The following TMEM17 variants were observed in gnomAD, a reference collection of about 807,000 sequenced individuals.
TMEM17 encodes the protein transmembrane protein 17.
TMEM17 carries 15 observed loss-of-function variants against 19.1 expected under a neutral mutation model. The ratio of observed to expected loss-of-function variants is 0.78; its 90% CI spans 0.52 to 1.21. The LOEUF (loss-of-function observed/expected upper bound fraction) is 1.21, where lower values mean the gene tolerates loss of function less well. TMEM17 is among the 50% of genes most tolerant of loss of function. TMEM17 has a pLI of 0.00. For synonymous variants in TMEM17, 103 were observed against 86.9 expected (o/e 1.19, Z -1.03); for missense variants, 245 against 242.3 (o/e 1.01, Z -0.07).
the TMEM17 span, among the ~76,000 whole-genome samples, chr2:62,471,072 G>C: frequency 6.6e-6 from 1 of 152,212 alleles, no homozygotes; most frequent in African/African-American, 2.4e-5. Context: ...CTGGACTGCG[G>C]GTTCCAGGTA....
At chr2:62,500,156 T>C (rs549929264), downstream of TMEM17, 2 of 152,312 alleles carry the variant, frequency 1.3e-5, no homozygotes, top group African/African-American at 4.8e-5. Context: ...TTCCTTCTCT[T>C]GCAACTCTGT....
chr2:62,494,651 T>A, the TMEM17 span, among the ~76,000 whole-genome samples: 2 of 152,178 alleles, frequency 1.3e-5, no homozygotes, highest in Admixed American at 6.5e-5. Context: ...AATATAGTGC[T>A]ATTAGAGTTC....
At chr2:62,467,314 GACCC>G in the TMEM17 span, among the ~76,000 whole-genome samples, 2 of 151,978 alleles carry the variant, frequency 1.3e-5, no homozygotes, top group Non-Finnish European at 2.9e-5. Context: ...ACAGGATTGA[GACCC>G]ACGGATCTAG....
At chr2:62,498,368 CAG>C (rs1472162262), downstream of TMEM17, among the ~76,000 whole-genome samples, 2 of 149,478 alleles carry the variant, frequency 1.3e-5, no homozygotes, top group African/African-American at 4.9e-5. Flanking sequence ...GCCTGGGCAA[CAG>C]AGCAAAACTC....
chr2:62,495,733 C>T (rs539298795), downstream of TMEM17, among the ~76,000 whole-genome samples: 4 of 152,152 alleles, frequency 2.6e-5, no homozygotes, highest in East Asian at 1.9e-4. Context: ...CTTTTTGAGC[C>T]GTTTAAGACC....
chr2:62,477,381 A>G, the TMEM17 span, among the ~76,000 whole-genome samples: 1 of 135,692 alleles, frequency 7.4e-6, no homozygotes, highest in South Asian at 2.6e-4. Context: ...TGGGCGACAG[A>G]GCGAGACTCC....
the TMEM17 span, among the ~76,000 whole-genome samples, chr2:62,457,266 C>T: frequency 6.6e-6 from 1 of 152,242 alleles, no homozygotes; most frequent in Non-Finnish European, 1.5e-5. The surrounding 1 kb of genome is among the most constrained non-coding windows in gnomAD (Gnocchi z 4.2). Flanking sequence ...CTTTCCACTT[C>T]TCCCCTGGCC....
At chr2:62,460,615 A>G in the TMEM17 span, among the ~76,000 whole-genome samples, 143 of 152,358 alleles carry the variant, frequency 9.4e-4, 1 homozygote, top group African/African-American at 3.1e-3. Flanking sequence ...CACTGTATGT[A>G]TAAAAGGTTG....
chr2:62,489,140 C>T, the TMEM17 span, among the ~76,000 whole-genome samples: 3 of 152,162 alleles, frequency 2.0e-5, no homozygotes, highest in African/African-American at 4.8e-5. Context: ...GATGTGTTTT[C>T]CCTGAGGATG....
chr2:62,503,364 G>A (rs1031698487), intron 1 of TMEM17, among the ~76,000 whole-genome samples: 4 of 151,754 alleles, frequency 2.6e-5, no homozygotes, highest in African/African-American at 9.7e-5. Flanking sequence ...TCCCCTTTAG[G>A]TACTTACCAC....
chr2:62,466,559 G>A, the TMEM17 span, among the ~76,000 whole-genome samples: 1 of 152,222 alleles, frequency 6.6e-6, no homozygotes, highest in Non-Finnish European at 1.5e-5. Context: ...CCATATGGGG[G>A]AGAGGGACTG....
At position 62,502,027 on chromosome 2, in the gene TMEM17, T is replaced by A. The variant is rs1434534647; in HGVS notation, c.318+410A>T. 10 of 163,888 alleles carry A rather than the reference T, an allele frequency of 6.1e-5. No homozygotes were observed. In the East Asian group the frequency reaches 1.6e-3, roughly 26 times the overall value. 10.2% of individuals were successfully genotyped at this position (163,888 alleles called of 1,614,324 possible). A position where few individuals can be genotyped will look rare whatever the true frequency, so the allele number is the denominator to read the frequency against. On this transcript the variant is annotated intron_variant, in intron 3 of 3. Transcript: ENST00000335390. ...GGTAACCACAAATGCTTAGGCAGCATGATGATGCAGAAAACATGGGCCTGG... is the reference window on the plus strand; with the variant it reads ...GGTAACCACAAATGCTTAGGCAGCAAGATGATGCAGAAAACATGGGCCTGG...
At chr2:62,505,685 C>G (rs1295980395) in intron 1 of TMEM17, among the ~76,000 whole-genome samples, 2 of 152,208 alleles carry the variant, frequency 1.3e-5, no homozygotes, top group Admixed American at 6.5e-5. Context: ...CGCGGGGGAC[C>G]AGCCTGTGCA....
the TMEM17 span, among the ~76,000 whole-genome samples, chr2:62,479,742 C>A: frequency 6.6e-6 from 1 of 151,884 alleles, no homozygotes; most frequent in Admixed American, 6.6e-5. Context: ...AAATAATTAG[C>A]CATGTGTGGT....
chr2:62,472,965 T>C, the TMEM17 span, among the ~76,000 whole-genome samples: 3 of 152,136 alleles, frequency 2.0e-5, no homozygotes, highest in African/African-American at 7.2e-5. Flanking sequence ...AGAAAGAAAC[T>C]CAGGAGTGTC....
At chr2:62,487,988 C>G in the TMEM17 span, among the ~76,000 whole-genome samples, 36 of 152,342 alleles carry the variant, frequency 2.4e-4, no homozygotes, top group African/African-American at 6.5e-4. Flanking sequence ...AGCCACCATT[C>G]CTAGCCCAAG....
the TMEM17 span, among the ~76,000 whole-genome samples, chr2:62,489,657 C>T: frequency 4.4e-3 from 667 of 152,168 alleles, 18 homozygotes; most frequent in East Asian, 9.8e-3. Flanking sequence ...GTTTTTATAA[C>T]ATAGGGGGCT....
At chr2:62,468,406 G>A in the TMEM17 span, among the ~76,000 whole-genome samples, 54 of 152,346 alleles carry the variant, frequency 3.5e-4, no homozygotes, top group Non-Finnish European at 7.1e-4. Context: ...CCACATCTTC[G>A]TTTGACATTT....
chr2:62,506,007 T>G, intron 1 of TMEM17, 23 bp downstream of exon 1: 2 of 1,595,384 alleles, frequency 1.3e-6, no homozygotes, highest in Non-Finnish European at 1.7e-6. Flanking sequence ...CCACACCCCC[T>G]GCACCGGGCC....
Sources: allele counts gnomAD v4.1 joint callset (sites outside exome capture counted in the v4.1 genomes callset), GRCh38; gene constraint gnomAD v4.1.1; non-coding constraint Gnocchi (gnomAD v3.1); transcripts MANE v1.5; gene names NCBI Gene and HGNC (gene_info 2026-07-23, HGNC 2026-07-21).